The following PRTG variants were observed in gnomAD, a reference collection of about 807,000 sequenced individuals.
PRTG encodes the protein protogenin.
A neutral mutation model predicts 122.5 loss-of-function variants in PRTG; 67 were observed. The observed-to-expected ratio is 0.55, with a 90% confidence interval of 0.45 to 0.67. PRTG has a LOEUF of 0.67. Ranked by LOEUF, PRTG falls within the 30% of genes least tolerant of loss-of-function variation. The pLI, the probability that PRTG is intolerant of heterozygous loss-of-function variation, is 0.00. For missense variants in PRTG, 1,435 were observed against 1,415.4 expected (o/e 1.01, Z -0.22); for synonymous variants, 554 against 501.1 (o/e 1.11, Z -1.41).
chr15:55,732,515 A>G (rs1247779154), intron 2 of PRTG, among the ~76,000 whole-genome samples: 2 of 118,836 alleles, frequency 1.7e-5, no homozygotes, highest in Non-Finnish European at 3.4e-5. Context: ...TTTTTTTGAG[A>G]CGGAGTTTCG....
chr15:55,687,886 G>C (rs2059579073), intron 2 of PRTG, among the ~76,000 whole-genome samples: 1 of 152,186 alleles, frequency 6.6e-6, no homozygotes, highest in Admixed American at 6.5e-5. Context: ...AGGCAACCAT[G>C]AATCAACAAT....
At chr15:55,687,094 A>T (rs2059574517) in intron 2 of PRTG, among the ~76,000 whole-genome samples, 1 of 152,246 alleles carries the variant, frequency 6.6e-6, no homozygotes, top group African/African-American at 2.4e-5. Context: ...CAGATTTGGC[A>T]CTAAAAAAAA....
intron 9 of PRTG, among the ~76,000 whole-genome samples, chr15:55,674,799 A>C (rs2059493035): frequency 6.6e-6 from 1 of 152,146 alleles, no homozygotes; most frequent in Non-Finnish European, 1.5e-5. Context: ...GTATTGATTA[A>C]GCATGTATTA....
At chr15:55,695,194 C>T (rs1250020925) in intron 2 of PRTG, among the ~76,000 whole-genome samples, 9 of 152,056 alleles carry the variant, frequency 5.9e-5, no homozygotes, top group Admixed American at 5.9e-4. Flanking sequence ...GAAAGCAACA[C>T]TTATATGACT....
At chr15:55,684,666 G>C (rs2059560369) in intron 2 of PRTG, among the ~76,000 whole-genome samples, 1 of 150,378 alleles carries the variant, frequency 6.6e-6, no homozygotes, top group Non-Finnish European at 1.5e-5. Flanking sequence ...AAGTCCAATA[G>C]GCTATTAAAT....
At chr15:55,629,389 G>GTT (rs2059214587) in intron 15 of PRTG, among the ~76,000 whole-genome samples, 4 of 104,176 alleles carry the variant, frequency 3.8e-5, no homozygotes, top group South Asian at 6.1e-4. Flanking sequence ...GTGTGTGTGT[G>GTT]TGTGTGTGTG....
At chr15:55,690,858 A>C (rs1001524936) in intron 2 of PRTG, among the ~76,000 whole-genome samples, 17 of 152,164 alleles carry the variant, frequency 1.1e-4, no homozygotes, top group African/African-American at 4.1e-4. Context: ...TACTCACCCA[A>C]TTTTCAGTTA....
intron 7 of PRTG, 21 bp from the exon 8 acceptor site, chr15:55,678,065 A>G: frequency 6.9e-7 from 1 of 1,451,912 alleles, no homozygotes; most frequent in South Asian, 1.2e-5. Context: ...AAAAAAAATT[A>G]TTTCCATGAA....
In PRTG at chr15:55,618,117, A is replaced by G. The variant is rs1027117999; in HGVS notation, c.*1895T>C. The G allele has an allele frequency of 1.3e-5, 2 of 152,170 alleles. No individual in the cohort carries two copies. The highest frequency in any genetic ancestry group is 4.8e-5 in the African/African-American group (2 of 41,452). 9.4% of individuals were successfully genotyped at this position (152,170 alleles called of 1,614,324 possible). A position where few individuals can be genotyped will look rare whatever the true frequency, so the allele number is the denominator to read the frequency against. Reference sequence around the variant, plus strand: ...GCTCTGCTTTTTTGTTTGTTTTGCGATGAATTCCGTACTTAGATAACTAAC... The same window carrying G: ...GCTCTGCTTTTTTGTTTGTTTTGCGGTGAATTCCGTACTTAGATAACTAAC... On this transcript the variant is annotated 3_prime_UTR_variant, in exon 20 of 20. Coordinates refer to ENST00000389286, the MANE Select transcript of PRTG (RefSeq NM_173814.6).
In PRTG at chr15:55,743,075, C is replaced by T; in HGVS notation, c.-144G>A. The T allele has an allele frequency of 7.7e-7, 1 of 1,293,954 alleles. No individual in the cohort carries two copies. Among genetic ancestry groups the T allele is most frequent in the African/African-American group, 1.6e-5 (1 of 64,324 alleles). 80.2% of individuals were successfully genotyped at this position (1,293,954 alleles called of 1,614,324 possible). ...GCTCCGGCACCGGCGTGGCGAGCGTCTCTGCGGCGGCGAGGCTGGTGCTCG... is the reference window on the plus strand; with the variant it reads ...GCTCCGGCACCGGCGTGGCGAGCGTTTCTGCGGCGGCGAGGCTGGTGCTCG... On this transcript the variant is annotated 5_prime_UTR_variant, in exon 1 of 20. Transcript: ENST00000389286.
chr15:55,628,861 T>C lies in PRTG; in HGVS notation c.2767A>G (p.Asn923Asp). The C allele has an allele frequency of 6.2e-7, 1 of 1,614,020 alleles. No individual in the cohort carries two copies. The highest frequency in any genetic ancestry group is 8.5e-7 in the Non-Finnish European group (1 of 1,179,926). The change falls in exon 16 of 20, where the codon AAT becomes GAT. Residue 923 changes from asparagine (N) to aspartate (D), a missense_variant. Physicochemically the swap from Asn to Asp is conservative, Grantham distance 23. Coordinates refer to ENST00000389286, the MANE Select transcript of PRTG (RefSeq NM_173814.6). ...GAATCTAAACGCTTGGGCCTCTGAT[T>C]TGATTCAGAGGTTTCCTTTGGAAGT... ...AVLPKETSES[N>D]QRPKRLDSAD...
chr15:55,642,387 C>T (rs1017094518), intron 11 of PRTG, among the ~76,000 whole-genome samples: 3 of 151,630 alleles, frequency 2.0e-5, no homozygotes, highest in Admixed American at 6.6e-5. Context: ...GAGGCCGAGG[C>T]GGGTGGGTCA....
At position 55,740,577 on chromosome 15, in the gene PRTG, T is replaced by A. The variant is rs758162588; in HGVS notation, c.202A>T (p.Ile68Phe). Residue 68 changes from isoleucine to phenylalanine, a missense_variant, in exon 2 of 20, where the codon ATT becomes TTT. Transcript: ENST00000389286. Reference sequence around the variant, plus strand: ...CCATTTTTCAACCATGTGACCTTAATAGGAACTTCTCCGTGAGCCTGGCAA... The same window carrying A: ...CCATTTTTCAACCATGTGACCTTAAAAGGAACTTCTCCGTGAGCCTGGCAA... ...LDCQAHGEVP[I>F]KVTWLKNGAK... 1 of 1,614,174 alleles carries A rather than the reference T, an allele frequency of 6.2e-7. No homozygotes were observed.
At chr15:55,646,422 A>C (rs1403113610) in intron 11 of PRTG, among the ~76,000 whole-genome samples, 4 of 151,504 alleles carry the variant, frequency 2.6e-5, no homozygotes, top group Non-Finnish European at 4.4e-5. Flanking sequence ...TACAGGGTTC[A>C]CGCCATTCTC....
intron 15 of PRTG, among the ~76,000 whole-genome samples, chr15:55,634,838 CAA>C (rs879327163): frequency 2.9e-5 from 4 of 135,762 alleles, no homozygotes; most frequent in Non-Finnish European, 3.2e-5. Flanking sequence ...ACTCCGTCTC[CAA>C]AAAAAAAAAA....
intron 2 of PRTG, among the ~76,000 whole-genome samples, chr15:55,708,008 A>G (rs530481041): frequency 6.6e-6 from 1 of 152,244 alleles, no homozygotes; most frequent in South Asian, 2.1e-4. Flanking sequence ...AATGCTCAGA[A>G]GCCACAAAGG....
intron 11 of PRTG, among the ~76,000 whole-genome samples, chr15:55,664,811 T>C (rs2059429414): frequency 6.6e-6 from 1 of 151,862 alleles, no homozygotes; most frequent in African/African-American, 2.4e-5. Context: ...GGTCTCAAAC[T>C]CCTTGATTCA....
intron 15 of PRTG, among the ~76,000 whole-genome samples, chr15:55,634,825 G>T (rs796205403): frequency 6.6e-6 from 1 of 151,592 alleles, no homozygotes; most frequent in Non-Finnish European, 1.5e-5. Flanking sequence ...GCAACAGAGC[G>T]AGACTCCGTC....
intron 11 of PRTG, among the ~76,000 whole-genome samples, chr15:55,647,839 T>C (rs2141750444): frequency 6.6e-6 from 1 of 152,348 alleles, no homozygotes; most frequent in African/African-American, 2.4e-5. Context: ...TGGCAAATAC[T>C]GAAGCTCAGT....
Sources: allele counts gnomAD v4.1 joint callset (sites outside exome capture counted in the v4.1 genomes callset), GRCh38; gene constraint gnomAD v4.1.1; transcripts MANE v1.5; gene names NCBI Gene and HGNC (gene_info 2026-07-23, HGNC 2026-07-21).